LGI2: variants seen among roughly 807,000 people sequenced by gnomAD.
LGI2 encodes the protein leucine-rich repeat LGI family member 2.
A neutral mutation model predicts 52.0 loss-of-function variants in LGI2; 30 were observed. That is an observed-to-expected ratio of 0.58 (90% CI 0.43 to 0.78). LGI2 has a LOEUF of 0.78. LGI2 is among the 30% of genes least tolerant of loss of function. The pLI, the probability that LGI2 is intolerant of heterozygous loss-of-function variation, is 0.00. For missense variants in LGI2, 573 were observed against 692.5 expected (o/e 0.83, Z 1.94); for synonymous variants, 270 against 271.8 (o/e 0.99, Z 0.06).
intron 7 of LGI2, among the ~76,000 whole-genome samples, chr4:25,010,086 C>A (rs944453387): frequency 3.9e-5 from 6 of 152,010 alleles, no homozygotes; most frequent in Non-Finnish European, 8.8e-5. Context: ...TCAAGACCAG[C>A]CTGGCCAACA....
chr4:25,024,928 TCTC>T, intron 3 of LGI2, 37 bp from the exon 4 acceptor site: 1 of 1,406,030 alleles, frequency 7.1e-7, no homozygotes, highest in Non-Finnish European at 9.8e-7. Context: ...ATGAATTTTC[TCTC>T]CTTAGTATCC....
chr4:24,994,812 C>T (rs912801884), downstream of LGI2, among the ~76,000 whole-genome samples: 17 of 152,152 alleles, frequency 1.1e-4, no homozygotes, highest in African/African-American at 4.1e-4. Context: ...ATCCCAAACC[C>T]CAAGAGGTGA....
chr4:25,003,676 A>G lies in LGI2; in HGVS notation c.1413T>C (p.Ser471=), dbSNP rs769636194. ...GGGCCAGGTAGTGATTATCTTTAAA[A>G]GAAAAGGGCTGCAGGGTCATGGCCC... ...SRGAMTLQPF[S]FKDNHYLALG... Residue 471 remains serine, a synonymous_variant, in exon 8 of 8, where the codon TCT becomes TCC. Transcript: ENST00000382114. 148 of 1,614,110 alleles carry G rather than the reference A, an allele frequency of 9.2e-5. No homozygotes were observed. The highest frequency in any genetic ancestry group is 1.2e-4 in the Non-Finnish European group (139 of 1,180,038).
chr4:25,019,094 C>A, intron 5 of LGI2, 73 bp downstream of exon 5: 1 of 919,684 alleles, frequency 1.1e-6, no homozygotes, highest in Non-Finnish European at 1.8e-6. Context: ...AAAAGAAAGG[C>A]GAGAGGGGAT....
chr4:25,030,238 G>A (rs1726293184), intron 1 of LGI2, among the ~76,000 whole-genome samples: 3 of 152,354 alleles, frequency 2.0e-5, no homozygotes, highest in Admixed American at 2.0e-4. Context: ...CCCCAGGTGA[G>A]TCTGATGCAG....
downstream of LGI2, among the ~76,000 whole-genome samples, chr4:24,997,137 T>A (rs1323201577): frequency 6.6e-6 from 1 of 152,246 alleles, no homozygotes; most frequent in Non-Finnish European, 1.5e-5. Context: ...AAATCATTTG[T>A]GCCAATTAGA....
intron 6 of LGI2, among the ~76,000 whole-genome samples, chr4:25,015,784 C>A (rs1156998381): frequency 6.6e-6 from 1 of 151,076 alleles, no homozygotes; most frequent in Non-Finnish European, 1.5e-5. Context: ...AAGACATGAA[C>A]CCCGAACACT....
downstream of LGI2, among the ~76,000 whole-genome samples, chr4:24,995,622 G>T (rs1369853121): frequency 1.3e-5 from 2 of 152,134 alleles, no homozygotes; most frequent in Non-Finnish European, 2.9e-5. Flanking sequence ...AGCAGTCCAA[G>T]ACCTATTCTG....
chr4:25,025,755 T>C (rs1315714435), intron 3 of LGI2, among the ~76,000 whole-genome samples: 1 of 152,246 alleles, frequency 6.6e-6, no homozygotes, highest in East Asian at 1.9e-4. Context: ...AGTTCTTGAT[T>C]CTTGCACTGA....
At position 25,030,404 on chromosome 4, in the gene LGI2, G is replaced by T; in HGVS notation, c.197+93C>A. On this transcript the variant is annotated intron_variant, in intron 1 of 7. Coordinates refer to ENST00000382114, the MANE Select transcript of LGI2 (RefSeq NM_018176.4). ...AGAAGGGGCCTGGGGAGTGGGTCAG[G>T]GTCGCGCTGGCCCGGCGCCAGAGGC... 7 of 1,371,150 alleles carry T rather than the reference G, an allele frequency of 5.1e-6. No homozygotes were observed. The South Asian group carries it at 6.4e-5, about 12-fold the overall frequency. The allele number at this position is 1,371,150 out of a possible 1,614,324, so 84.9% of individuals were successfully genotyped here. A position where few individuals can be genotyped will look rare whatever the true frequency, so the allele number is the denominator to read the frequency against.
intron 6 of LGI2, 148 bp downstream of exon 6, chr4:25,017,841 T>G: frequency 1.4e-6 from 1 of 699,206 alleles, no homozygotes; most frequent in Non-Finnish European, 2.1e-6. Flanking sequence ...CCACATCGAT[T>G]CATTTCTTTA....
chr4:25,030,610 C>A lies in LGI2; in HGVS notation c.84G>T (p.Ala28=), dbSNP rs1214455899. 1 of 1,560,240 alleles carries A rather than the reference C, an allele frequency of 6.4e-7. No individual in the cohort carries two copies. The change falls in exon 1 of 8, where the codon GCG becomes GCT. Residue 28 remains alanine (A), a synonymous_variant. Transcript: ENST00000382114. ...GGCAGCGCGCCAGCCGCCTCACCTG[C>A]GCGCTCCGCGGTATCAGGCACGCGG... ...LGAACLIPRS[A]QVRRLARCPA...
chr4:25,021,107 CA>C lies in LGI2; in HGVS notation c.414-1870del, dbSNP rs11445051. Among the ~76,000 whole-genome samples, 275 of 131,880 alleles carry C rather than the reference CA, an allele frequency of 2.1e-3. 1 individual carries two copies. The highest frequency in any genetic ancestry group is 6.6e-3 in the South Asian group (27 of 4,104). The allele number at this position is 131,880 out of a possible 152,430, so 86.5% of individuals were successfully genotyped here. A position where few individuals can be genotyped will look rare whatever the true frequency, so the allele number is the denominator to read the frequency against. On this transcript the variant is annotated intron_variant, in intron 4 of 7. Coordinates refer to ENST00000382114, the MANE Select transcript of LGI2 (RefSeq NM_018176.4). Reference sequence around the variant, plus strand: ...TAAGTATATACAGAATGGTCAAAGCCAAAAAAAAAAAAAGCAGAGAGTTTAG... The same window carrying C: ...TAAGTATATACAGAATGGTCAAAGCCAAAAAAAAAAAAGCAGAGAGTTTAG...
chr4:25,022,271 C>T (rs4560399), intron 4 of LGI2, among the ~76,000 whole-genome samples: 74,569 of 152,048 alleles, frequency 0.49, 20,596 homozygotes, highest in African/African-American at 0.74. Context: ...AGATAGAACT[C>T]AATCTGGACT....
At chr4:25,007,349 C>G (rs1173431671) in intron 7 of LGI2, among the ~76,000 whole-genome samples, 1 of 152,178 alleles carries the variant, frequency 6.6e-6, no homozygotes, top group African/African-American at 2.4e-5. Context: ...AACTGCCAAG[C>G]TGCTCTTCAA....
downstream of LGI2, among the ~76,000 whole-genome samples, chr4:24,995,787 C>T (rs1384105797): frequency 6.6e-6 from 1 of 152,240 alleles, no homozygotes; most frequent in Non-Finnish European, 1.5e-5. Flanking sequence ...CTGCAGGTCA[C>T]ATGGTGCAGA....
At chr4:25,008,447 G>C (rs565861467) in intron 7 of LGI2, among the ~76,000 whole-genome samples, 1 of 151,766 alleles carries the variant, frequency 6.6e-6, no homozygotes, top group African/African-American at 2.4e-5. Context: ...CAGATACTCG[G>C]GAGGCTGAGG....
At chr4:25,016,380 G>C (rs901206950) in intron 6 of LGI2, among the ~76,000 whole-genome samples, 3 of 152,256 alleles carry the variant, frequency 2.0e-5, no homozygotes, top group Non-Finnish European at 2.9e-5. Context: ...AGAAGTCTCA[G>C]TGAGCTTTAG....
intron 1 of LGI2, among the ~76,000 whole-genome samples, chr4:25,029,693 G>A (rs1205560315): frequency 1.3e-5 from 2 of 152,230 alleles, no homozygotes; most frequent in Admixed American, 6.5e-5. Flanking sequence ...CTAATGTGAA[G>A]CCCTTTCCTG....
Sources: allele counts gnomAD v4.1 joint callset (sites outside exome capture counted in the v4.1 genomes callset), GRCh38; gene constraint gnomAD v4.1.1; transcripts MANE v1.5; gene names NCBI Gene and HGNC (gene_info 2026-07-23, HGNC 2026-07-21).